The following TMEM17 variants were observed in gnomAD, a reference collection of about 807,000 sequenced individuals.
TMEM17 encodes the protein transmembrane protein 17.
TMEM17 carries 15 observed loss-of-function variants against 19.1 expected under a neutral mutation model. The ratio of observed to expected loss-of-function variants is 0.78; its 90% CI spans 0.52 to 1.21. The LOEUF is 1.21. Ranked by LOEUF, TMEM17 falls within the 50% of genes most tolerant of loss-of-function variation. The pLI is 0.00. For synonymous variants in TMEM17, 103 were observed against 86.9 expected (o/e 1.19, Z -1.03); for missense variants, 245 against 242.3 (o/e 1.01, Z -0.07).
At chr2:62,491,231 G>C in the TMEM17 span, 1 of 152,846 alleles carries the variant, frequency 6.5e-6, no homozygotes, top group East Asian at 1.9e-4. Context: ...GGCTGAGGCA[G>C]GAGGATCACT....
At chr2:62,459,839 C>G in the TMEM17 span, among the ~76,000 whole-genome samples, 6 of 152,332 alleles carry the variant, frequency 3.9e-5, no homozygotes, top group East Asian at 1.2e-3. Flanking sequence ...CAGGTGTGAT[C>G]ATAGCACACT....
chr2:62,486,551 G>C, the TMEM17 span, among the ~76,000 whole-genome samples: 17 of 152,346 alleles, frequency 1.1e-4, no homozygotes, highest in South Asian at 3.5e-3. Flanking sequence ...CTGACTCACA[G>C]AGGTGTTCCT....
At chr2:62,488,833 C>G in the TMEM17 span, among the ~76,000 whole-genome samples, 1 of 130,636 alleles carries the variant, frequency 7.7e-6, no homozygotes, top group Non-Finnish European at 1.6e-5. Context: ...TTAAAAACTT[C>G]TCCAACCTTA....
At chr2:62,461,657 A>G in the TMEM17 span, among the ~76,000 whole-genome samples, 140,424 of 152,230 alleles carry the variant, frequency 0.92, 64,855 homozygotes, top group East Asian at 0.98. Flanking sequence ...GGGGGCGTCT[A>G]TTAACAAGGC....
At chr2:62,487,641 T>A in the TMEM17 span, among the ~76,000 whole-genome samples, 1 of 152,126 alleles carries the variant, frequency 6.6e-6, no homozygotes, top group Non-Finnish European at 1.5e-5. Context: ...GAAGCTAAAG[T>A]ATGAGTCAAA....
chr2:62,497,742 C>G (rs546055901), downstream of TMEM17, among the ~76,000 whole-genome samples: 47 of 152,312 alleles, frequency 3.1e-4, no homozygotes, highest in African/African-American at 9.6e-4. Context: ...CTGCCTACCC[C>G]CCTCAGACAA....
chr2:62,490,371 C>T, the TMEM17 span, among the ~76,000 whole-genome samples: 1 of 152,062 alleles, frequency 6.6e-6, no homozygotes, highest in Non-Finnish European at 1.5e-5. Flanking sequence ...TCAAGAGATC[C>T]TCCCACCTAA....
chr2:62,463,457 AGTGGACAGG>A, the TMEM17 span: 1 of 152,236 alleles, frequency 6.6e-6, no homozygotes, highest in Non-Finnish European at 1.5e-5. Flanking sequence ...ATCTAAATTC[AGTGGACAGG>A]AGTTAGAGAA....
At chr2:62,483,053 G>C in the TMEM17 span, among the ~76,000 whole-genome samples, 1 of 152,150 alleles carries the variant, frequency 6.6e-6, no homozygotes, top group Non-Finnish European at 1.5e-5. Context: ...TTGAAATCAA[G>C]AGAGTTATGT....
the TMEM17 span, among the ~76,000 whole-genome samples, chr2:62,484,560 G>A: frequency 1.4e-4 from 21 of 152,302 alleles, no homozygotes; most frequent in Admixed American, 7.8e-4. Context: ...GGAGCTAGCA[G>A]CTAACTTCCC....
the TMEM17 span, among the ~76,000 whole-genome samples, chr2:62,482,434 T>C: frequency 6.6e-6 from 1 of 152,234 alleles, no homozygotes; most frequent in Non-Finnish European, 1.5e-5. Flanking sequence ...TGAGAAGTTG[T>C]AGTGAGCATG....
chr2:62,468,153 C>A, the TMEM17 span, among the ~76,000 whole-genome samples: 1 of 152,058 alleles, frequency 6.6e-6, no homozygotes, highest in African/African-American at 2.4e-5. Context: ...CACTTCACCC[C>A]TGCTGGGTGA....
chr2:62,502,769 T>A lies in TMEM17; in HGVS notation c.126A>T (p.Ala42=), dbSNP rs186478180. The A allele has an allele frequency of 1.9e-5, 30 of 1,602,818 alleles. No individual in the cohort carries two copies. In the African/African-American group the frequency reaches 3.1e-4, roughly 16 times the overall value. ...TATTAAAATAAAGTGACATCTGCAG[T>A]GCCAAACTGGAGACCATTTCATTTT... ...GPENEMVSSL[A]LQMSLYFNTY... Residue 42 remains alanine (A), a synonymous_variant, in exon 2 of 4, where the codon GCA becomes GCT. Coordinates refer to ENST00000335390, the MANE Select transcript of TMEM17 (RefSeq NM_198276.3).
intron 3 of TMEM17, 75 bp from the exon 4 acceptor site, chr2:62,501,562 A>T: frequency 7.0e-7 from 1 of 1,421,704 alleles, no homozygotes; most frequent in South Asian, 1.4e-5. Flanking sequence ...ACAAGTACTT[A>T]TCACTACCGT....
chr2:62,454,860 C>T, the TMEM17 span, among the ~76,000 whole-genome samples: 10 of 152,136 alleles, frequency 6.6e-5, no homozygotes, highest in African/African-American at 1.2e-4. Flanking sequence ...CCTGCCACCA[C>T]GCCTGGATAA....
the TMEM17 span, among the ~76,000 whole-genome samples, chr2:62,483,138 G>C: frequency 0.085 from 12,931 of 152,276 alleles, 816 homozygotes; most frequent in East Asian, 0.24. Context: ...CAAATCCAGG[G>C]CTGTCTGATT....
the TMEM17 span, among the ~76,000 whole-genome samples, chr2:62,477,916 C>T: frequency 6.6e-6 from 1 of 152,212 alleles, no homozygotes; most frequent in Non-Finnish European, 1.5e-5. Flanking sequence ...GTAGTGGCAG[C>T]TCCTGGAACT....
At chr2:62,474,495 T>C in the TMEM17 span, among the ~76,000 whole-genome samples, 1 of 152,198 alleles carries the variant, frequency 6.6e-6, no homozygotes, top group African/African-American at 2.4e-5. Flanking sequence ...GTAACGTTCC[T>C]ACATAAAATA....
At chr2:62,469,175 C>T in the TMEM17 span, among the ~76,000 whole-genome samples, 2 of 152,182 alleles carry the variant, frequency 1.3e-5, no homozygotes, top group Non-Finnish European at 2.9e-5. Context: ...AAGGTACATA[C>T]CTAAATTGGC....
Sources: allele counts gnomAD v4.1 joint callset (sites outside exome capture counted in the v4.1 genomes callset), GRCh38; gene constraint gnomAD v4.1.1; transcripts MANE v1.5; gene names NCBI Gene and HGNC (gene_info 2026-07-23, HGNC 2026-07-21).